Variants in OSMR observed in about 807,000 individuals in gnomAD.
The protein encoded by OSMR is oncostatin M receptor, also known as oncostatin-M-specific receptor subunit beta.
In OSMR, 81 loss-of-function variants were observed where a neutral mutation model predicts 99.9. That is an observed-to-expected ratio of 0.81 (90% CI 0.68 to 0.97). OSMR has a LOEUF of 0.97. Among genes scored for constraint, OSMR ranks in the 50% least tolerant of loss-of-function variants. The probability of loss-of-function intolerance (pLI) is 0.00; values close to 1 mark genes in which losing one functional copy is unlikely to be tolerated. For synonymous variants in OSMR, 406 were observed against 410.4 expected, an observed-to-expected ratio of 0.99 and a Z score of 0.13; for missense variants, 1,099 against 1,153.4, an observed-to-expected ratio of 0.95 and a Z score of 0.68.
At chr5:38,928,812 A>G (rs1372430487) in intron 15 of OSMR, among the ~76,000 whole-genome samples, 1 of 152,154 alleles carries the variant, frequency 6.6e-6, no homozygotes, top group African/African-American at 2.4e-5. Flanking sequence ...AGTGATTTAC[A>G]TTATTTGAGC....
intron 2 of OSMR, among the ~76,000 whole-genome samples, chr5:38,871,343 T>C (rs939041196): frequency 1.3e-5 from 2 of 152,368 alleles, no homozygotes; most frequent in South Asian, 4.1e-4. Flanking sequence ...TGTTTTTCTA[T>C]CAACCAATCT....
At chr5:38,887,551 G>A (rs1005737677) in intron 7 of OSMR, among the ~76,000 whole-genome samples, 7 of 152,070 alleles carry the variant, frequency 4.6e-5, no homozygotes, top group Admixed American at 2.6e-4. Flanking sequence ...CCACTGGTTG[G>A]TCTGTTTATT....
downstream of OSMR, chr5:38,945,203 CT>C (rs1748058252): frequency 5.8e-6 from 4 of 691,570 alleles, no homozygotes; most frequent in African/African-American, 3.6e-5. Context: ...ACTTCCAAAA[CT>C]TTTTTCCTCA....
intron 9 of OSMR, among the ~76,000 whole-genome samples, chr5:38,909,284 G>A (rs1745427105): frequency 6.6e-6 from 1 of 152,290 alleles, no homozygotes; most frequent in Admixed American, 6.5e-5. Flanking sequence ...AAGCAACTTG[G>A]AAAACATATT....
At chr5:38,859,389 G>A (rs537821599) in intron 1 of OSMR, among the ~76,000 whole-genome samples, 2 of 152,230 alleles carry the variant, frequency 1.3e-5, no homozygotes, top group South Asian at 4.1e-4. Context: ...TGGAACCTTG[G>A]TTGAAAATCA....
intron 7 of OSMR, among the ~76,000 whole-genome samples, chr5:38,897,827 A>C (rs1165864762): frequency 6.6e-6 from 1 of 151,928 alleles, no homozygotes; most frequent in Non-Finnish European, 1.5e-5. Flanking sequence ...TTCTCTTATC[A>C]TTTGTTTCAA....
At chr5:38,944,895 T>G in intron 2 of OSMR, 2 of 1,609,438 alleles carry the variant, frequency 1.2e-6, no homozygotes, top group East Asian at 2.2e-5. Flanking sequence ...ATGATTGGAT[T>G]TGAATCTGAA....
In OSMR at chr5:38,873,926, G is replaced by A. The variant is rs184787046; in HGVS notation, c.74-2275G>A. 6.0e-4 allele frequency among the ~76,000 whole-genome samples: 91 copies of A among 152,028 alleles called. No homozygotes were observed. In the East Asian group the frequency reaches 0.015, roughly 26 times the overall value. On this transcript the variant is annotated intron_variant, in intron 2 of 17. Transcript: ENST00000274276. ...CGGTTCACTGCAGCCTCTGTCTCCC[G>A]GGCTCAAACCATCCTCCTATGTCAG...
At chr5:38,909,798 A>G (rs1357310519) in intron 9 of OSMR, among the ~76,000 whole-genome samples, 4 of 152,242 alleles carry the variant, frequency 2.6e-5, no homozygotes, top group Non-Finnish European at 1.5e-5. Context: ...GACCATTGAC[A>G]GTATAAAGCA....
At chr5:38,855,054 C>T (rs894590662) in intron 1 of OSMR, among the ~76,000 whole-genome samples, 6 of 152,096 alleles carry the variant, frequency 3.9e-5, no homozygotes, top group African/African-American at 1.2e-4. Flanking sequence ...AAGGTTGTCC[C>T]GGCCAGAGCA....
rs193285516 is a variant in OSMR, at chr5:38,930,960, G to A, written c.2213-923G>A. ...TGTGTGTGTGTGTGTGTGTGTGTGTGTGTGTAAGGTTGTGATGGCCTTTGT... is the reference window on the plus strand; with the variant it reads ...TGTGTGTGTGTGTGTGTGTGTGTGTATGTGTAAGGTTGTGATGGCCTTTGT... On this transcript the variant is annotated intron_variant, in intron 15 of 17. Transcript: ENST00000274276. Among the ~76,000 whole-genome samples the A allele has an allele frequency of 2.0e-5, 3 of 147,452 alleles. No homozygotes were observed. In the East Asian group the frequency reaches 6.1e-4, roughly 30 times the overall value.
At chr5:38,937,045 C>CTTTTTTTTTTTTTTTTTTTTTT (rs1488370892), downstream of OSMR, among the ~76,000 whole-genome samples, 1 of 152,058 alleles carries the variant, frequency 6.6e-6, no homozygotes, top group Non-Finnish European at 1.5e-5. This position sits in a 1 kb window ranked among gnomAD's most constrained non-coding sequence, Gnocchi z 4.0. Context: ...GGCCAACTAC[C>CTTTTTTTTTTTTTTTTTTTTTT]TTTTTTTGAG....
chr5:38,909,075 C>A (rs978391162), intron 9 of OSMR, among the ~76,000 whole-genome samples: 4 of 152,138 alleles, frequency 2.6e-5, no homozygotes, highest in African/African-American at 9.7e-5. Flanking sequence ...AAGAAAGGAT[C>A]AAACTGATCT....
downstream of OSMR, chr5:38,940,530 CTTGGG>C (rs1238326580): frequency 4.3e-6 from 1 of 232,566 alleles, no homozygotes; most frequent in African/African-American, 2.2e-5. Context: ...TAAATAAACA[CTTGGG>C]TTCAGTGATA....
At position 38,891,523 on chromosome 5, in the gene OSMR, G is replaced by T. The variant is rs1293868151; in HGVS notation, c.991+5333G>T. On this transcript the variant is annotated intron_variant, in intron 7 of 17. Coordinates refer to ENST00000274276, the MANE Select transcript of OSMR (RefSeq NM_003999.3). ...GCAAAGCCCAGGCAGCTCCTACTGG[G>T]ACTGGTGTGGAGCCAGGGGAGGCTC... Among the ~76,000 whole-genome samples, 7 of 152,250 alleles carry T rather than the reference G, an allele frequency of 4.6e-5. 1 individual carries two copies. Among genetic ancestry groups the T allele is most frequent in the Admixed American group, 3.3e-4 (5 of 15,292 alleles).
At chr5:38,936,855 G>A (rs1052222224), downstream of OSMR, among the ~76,000 whole-genome samples, 22 of 152,170 alleles carry the variant, frequency 1.4e-4, no homozygotes, top group Admixed American at 1.4e-3. Flanking sequence ...TAAGCATTAA[G>A]GAAAGTTGTT....
At chr5:38,919,852 T>A (rs184634812) in intron 11 of OSMR, among the ~76,000 whole-genome samples, 10 of 152,302 alleles carry the variant, frequency 6.6e-5, no homozygotes, top group African/African-American at 2.4e-4. Flanking sequence ...GATTAGAGGA[T>A]GTTGTTGTTT....
chr5:38,884,024 A>G lies in OSMR; in HGVS notation c.616A>G (p.Ile206Val). 1.2e-6 allele frequency: 2 copies of G among 1,613,400 alleles called. No individual in the cohort carries two copies. The highest frequency in any genetic ancestry group is 4.5e-5 in the East Asian group (2 of 44,870). The change falls in exon 5 of 18, where the codon ATT (isoleucine) becomes GTT (valine). Residue 206 changes from isoleucine (I) to valine (V), a missense_variant. Coordinates refer to ENST00000274276, the MANE Select transcript of OSMR (RefSeq NM_003999.3). ...TAFNLNSVPFIRNKGTNIYCE... is the reference protein window; with the variant it reads ...TAFNLNSVPFVRNKGTNIYCE... ...ATTCAACTTGAATAGTGTGCCTTTC[A>G]TTAGGAATAAAGGGACAAATATCTA...
At chr5:38,918,511 T>G (rs894247015) in intron 10 of OSMR, among the ~76,000 whole-genome samples, 3 of 152,128 alleles carry the variant, frequency 2.0e-5, no homozygotes, top group African/African-American at 7.2e-5. Context: ...TACTCATTGC[T>G]TTTCTGCCCT....
Sources: allele counts gnomAD v4.1 joint callset (sites outside exome capture counted in the v4.1 genomes callset), GRCh38; gene constraint gnomAD v4.1.1; non-coding constraint Gnocchi (gnomAD v3.1); transcripts MANE v1.5; gene names NCBI Gene and HGNC (gene_info 2026-07-23, HGNC 2026-07-21).